The following LOC400499 variants were observed in gnomAD, a reference collection of about 807,000 sequenced individuals.
At chr16:11,379,675 G>A in the LOC400499 span, among the ~76,000 whole-genome samples, 1 of 152,224 alleles carries the variant, frequency 6.6e-6, no homozygotes, top group Non-Finnish European at 1.5e-5. Context: ...ACTTCCCGAT[G>A]GGGAAGGACT....
chr16:11,443,403 G>T, the LOC400499 span: 2 of 430,676 alleles, frequency 4.6e-6, no homozygotes, highest in Non-Finnish European at 9.1e-6. Flanking sequence ...GGAGGTTGCG[G>T]TGAGCTGAGA....
the LOC400499 span, among the ~76,000 whole-genome samples, chr16:11,495,047 A>G: frequency 3.3e-5 from 5 of 152,126 alleles, no homozygotes; most frequent in Admixed American, 2.0e-4. Context: ...CGTCTCTACT[A>G]AAAACACAAA....
the LOC400499 span, chr16:11,448,957 C>T: frequency 2.0e-6 from 3 of 1,502,288 alleles, no homozygotes; most frequent in East Asian, 2.5e-5. Flanking sequence ...AGGTTCAGCT[C>T]CTGCTGGGGG....
the LOC400499 span, among the ~76,000 whole-genome samples, chr16:11,395,535 T>A: frequency 6.6e-6 from 1 of 152,096 alleles, no homozygotes; most frequent in African/African-American, 2.4e-5. Flanking sequence ...AGAAACTCCT[T>A]TGAAATGGCC....
At chr16:11,447,358 C>T in the LOC400499 span, among the ~76,000 whole-genome samples, 2 of 152,152 alleles carry the variant, frequency 1.3e-5, no homozygotes, top group Admixed American at 6.5e-5. Flanking sequence ...ATACATGAAA[C>T]GACCACAAGC....
the LOC400499 span, among the ~76,000 whole-genome samples, chr16:11,377,462 G>T: frequency 1.3e-5 from 2 of 152,200 alleles, no homozygotes; most frequent in Non-Finnish European, 2.9e-5. Flanking sequence ...TGGTTCATAT[G>T]ACCTTTATTA....
At chr16:11,398,189 G>A in the LOC400499 span, among the ~76,000 whole-genome samples, 1 of 152,172 alleles carries the variant, frequency 6.6e-6, no homozygotes, top group East Asian at 1.9e-4. Flanking sequence ...GAGGAGATGT[G>A]CACTGCCCAG....
the LOC400499 span, among the ~76,000 whole-genome samples, chr16:11,488,149 G>A: frequency 3.3e-5 from 5 of 150,706 alleles, no homozygotes; most frequent in African/African-American, 7.3e-5. Context: ...TTCGTTACCC[G>A]CCTCTTGGTG....
the LOC400499 span, among the ~76,000 whole-genome samples, chr16:11,505,027 T>G: frequency 6.6e-6 from 1 of 151,916 alleles, no homozygotes; most frequent in Non-Finnish European, 1.5e-5. Context: ...AAAGTGACAC[T>G]CAAAGTGATT....
the LOC400499 span, chr16:11,435,767 C>T: frequency 2.5e-6 from 1 of 399,550 alleles, no homozygotes; most frequent in East Asian, 3.6e-5. Context: ...GCTGCTCCTC[C>T]GAGTGTCCTG....
the LOC400499 span, among the ~76,000 whole-genome samples, chr16:11,466,625 G>C: frequency 1.6e-4 from 24 of 152,212 alleles, no homozygotes; most frequent in South Asian, 4.8e-3. Context: ...CTGACCTCAG[G>C]TGAGCCACCT....
chr16:11,462,043 T>TAAGGAGGCACTTGGGCCACCACAC, the LOC400499 span: 1 of 1,305,270 alleles, frequency 7.7e-7, no homozygotes, highest in Non-Finnish European at 1.0e-6. Context: ...ATGAGGACCA[T>TAAGGAGGCACTTGGGCCACCACAC]AAGGAGGCAC....
the LOC400499 span, among the ~76,000 whole-genome samples, chr16:11,390,994 C>G: frequency 6.6e-6 from 1 of 152,246 alleles, no homozygotes; most frequent in Non-Finnish European, 1.5e-5. Flanking sequence ...AGCCCCCTTC[C>G]CTGTGCTGAC....
the LOC400499 span, among the ~76,000 whole-genome samples, chr16:11,446,281 C>T: frequency 6.6e-6 from 1 of 152,112 alleles, no homozygotes; most frequent in African/African-American, 2.4e-5. Flanking sequence ...TCCCCAGTAG[C>T]TGGGACTACA....
the LOC400499 span, among the ~76,000 whole-genome samples, chr16:11,510,091 C>A: frequency 6.6e-6 from 1 of 151,628 alleles, no homozygotes; most frequent in East Asian, 1.9e-4. Flanking sequence ...GCAGAAACTG[C>A]CCTCTGCTCT....
the LOC400499 span, among the ~76,000 whole-genome samples, chr16:11,500,156 G>A: frequency 6.6e-6 from 1 of 152,164 alleles, no homozygotes; most frequent in African/African-American, 2.4e-5. Context: ...TTCACACACA[G>A]CATTTCATTC....
chr16:11,450,926 T>C, the LOC400499 span: 6 of 1,021,920 alleles, frequency 5.9e-6, no homozygotes, highest in South Asian at 8.3e-5. Flanking sequence ...TGGACAAATC[T>C]CAAAACTGGG....
the LOC400499 span, chr16:11,457,070 A>G: frequency 1.3e-6 from 2 of 1,491,270 alleles, no homozygotes; most frequent in Non-Finnish European, 1.8e-6. Context: ...CAAGATGCCA[A>G]TGGGATCATG....
chr16:11,484,192 A>G, the LOC400499 span, among the ~76,000 whole-genome samples: 2 of 151,756 alleles, frequency 1.3e-5, no homozygotes, highest in Non-Finnish European at 1.5e-5. Context: ...TATTCTTAGT[A>G]GAGACAGGGT....
Sources: gnomAD v4.1 joint callset for allele counts (sites outside exome capture counted in the v4.1 genomes callset) on GRCh38, gnomAD v4.1.1 for gene constraint, MANE v1.5 for transcripts.